Variants in KALRN observed in about 807,000 individuals in gnomAD.
KALRN encodes kalirin RhoGEF kinase.
Under a neutral mutation model 353.7 loss-of-function variants are expected in KALRN, and 70 were observed. The ratio of observed to expected loss-of-function variants is 0.20; its 90% CI spans 0.16 to 0.24. The LOEUF is 0.24. Ranked by LOEUF, KALRN falls within the 10% of genes least tolerant of loss-of-function variation. The pLI is 1.00. For synonymous variants in KALRN, 1,391 were observed against 1,434.8 expected (o/e 0.97, Z 0.69); for missense variants, 2,791 against 3,756.7 (o/e 0.74, Z 6.72).
intron 10 of KALRN, among the ~76,000 whole-genome samples, chr3:124,366,830 G>C (rs1157900498): frequency 6.8e-6 from 1 of 146,440 alleles, no homozygotes; most frequent in African/African-American, 2.6e-5. Flanking sequence ...GGCTGGGCGG[G>C]GGTCTGACCC....
intron 1 of KALRN, among the ~76,000 whole-genome samples, chr3:124,196,925 G>A (rs1320717792): frequency 6.6e-6 from 1 of 152,144 alleles, no homozygotes; most frequent in East Asian, 1.9e-4. Context: ...ATTTACAGAT[G>A]AGGAAATGGA....
At chr3:124,207,166 G>A (rs930700726) in intron 1 of KALRN, among the ~76,000 whole-genome samples, 4 of 152,194 alleles carry the variant, frequency 2.6e-5, no homozygotes, top group South Asian at 2.1e-4. Flanking sequence ...GGAGACATTC[G>A]GGATCAGGCT....
In KALRN at chr3:124,495,998, T is replaced by TAC. The variant is rs1561137255; in HGVS notation, c.4833-312_4833-311insCA. 2.7e-4 allele frequency among the ~76,000 whole-genome samples: 14 copies of TAC among 51,514 alleles called. 2 individuals carry two copies. The highest frequency in any genetic ancestry group is 3.9e-4 in the Non-Finnish European group (12 of 30,918). 33.8% of individuals were successfully genotyped at this position (51,514 alleles called of 152,430 possible). A position where few individuals can be genotyped will look rare whatever the true frequency, so the allele number is the denominator to read the frequency against. ...ATATATATATATATATATATATATATATATATATATATATACACACACATA... is the reference window on the plus strand; with the variant it reads ...ATATATATATATATATATATATATATACATATATATATATATACACACACATA... On this transcript the variant is annotated intron_variant, in intron 32 of 59. Transcript: ENST00000682506.
intron 16 of KALRN, among the ~76,000 whole-genome samples, chr3:124,431,232 C>T (rs2093260287): frequency 6.6e-6 from 1 of 152,164 alleles, no homozygotes; most frequent in Non-Finnish European, 1.5e-5. Context: ...ATACTATTGT[C>T]AGAGTCTGCC....
intron 37 of KALRN, among the ~76,000 whole-genome samples, chr3:124,646,648 C>T (rs1291206361): frequency 1.3e-5 from 2 of 151,260 alleles, no homozygotes; most frequent in African/African-American, 2.4e-5. Context: ...CCCTCGGCCT[C>T]CCAAAGTGTT....
chr3:124,579,726 A>G (rs1165400469), intron 34 of KALRN, among the ~76,000 whole-genome samples: 1 of 152,046 alleles, frequency 6.6e-6, no homozygotes, highest in East Asian at 1.9e-4. Context: ...ATAGCAAAAT[A>G]CCCCCAGCTG....
intron 3 of KALRN, among the ~76,000 whole-genome samples, chr3:124,244,212 T>C (rs988900686): frequency 3.3e-5 from 5 of 152,180 alleles, no homozygotes; most frequent in Admixed American, 6.6e-5. Context: ...AACAATATAT[T>C]AACATATTTC....
chr3:124,343,716 C>T (rs150545904), intron 9 of KALRN, among the ~76,000 whole-genome samples: 6 of 152,332 alleles, frequency 3.9e-5, no homozygotes, highest in South Asian at 2.1e-4. Flanking sequence ...AGAAACCTTC[C>T]GTGACTCCCC....
rs333355 is a variant in KALRN at position 124,674,748 on chromosome 3, A to G, written c.7193+134A>G. 0.2 allele frequency: 193,808 copies of G among 985,208 alleles called. 19,861 individuals carry two copies. The highest frequency in any genetic ancestry group is 0.25 in the Middle Eastern group (993 of 3,980). 61.0% of individuals were successfully genotyped at this position (985,208 alleles called of 1,614,324 possible). A position where few individuals can be genotyped will look rare whatever the true frequency, so the allele number is the denominator to read the frequency against. On this transcript the variant is annotated intron_variant, in intron 49 of 59. Transcript: ENST00000682506. ...TTATTCTCAACAGTACCACAGAACC[A>G]GTGTTTGAGTGCTGACACCATATGC...
chr3:124,365,035 C>T (rs951373933), intron 10 of KALRN, among the ~76,000 whole-genome samples: 1 of 152,212 alleles, frequency 6.6e-6, no homozygotes, highest in African/African-American at 2.4e-5. Context: ...CACTCCTTTA[C>T]CAAGTATGAC....
chr3:124,398,672 C>T (rs765345974), intron 12 of KALRN, 25 bp from the exon 13 acceptor site: 1 of 1,613,838 alleles, frequency 6.2e-7, no homozygotes, highest in East Asian at 2.2e-5. Flanking sequence ...CTCTCCCTCC[C>T]TTTTTTCTCC....
chr3:124,572,027 T>A (rs1359980420), intron 34 of KALRN, among the ~76,000 whole-genome samples: 1 of 151,722 alleles, frequency 6.6e-6, no homozygotes, highest in Non-Finnish European at 1.5e-5. Flanking sequence ...ATTTTTGTAG[T>A]AAAAAATGGT....
chr3:124,478,880 A>G (rs967510307), intron 27 of KALRN, among the ~76,000 whole-genome samples: 1 of 152,198 alleles, frequency 6.6e-6, no homozygotes, highest in Non-Finnish European at 1.5e-5. Context: ...TGCCTAGGAT[A>G]GATTGTGTCC....
At chr3:124,586,639 G>C (rs1390982599) in intron 34 of KALRN, among the ~76,000 whole-genome samples, 1 of 152,164 alleles carries the variant, frequency 6.6e-6, no homozygotes, top group Non-Finnish European at 1.5e-5. Context: ...AGTGGCTATC[G>C]TAGGAGCGGG....
intron 9 of KALRN, among the ~76,000 whole-genome samples, chr3:124,340,969 A>G (rs1340834185): frequency 6.6e-6 from 1 of 152,214 alleles, no homozygotes; most frequent in African/African-American, 2.4e-5. Flanking sequence ...AAAAAGAAAA[A>G]GAAAAAAGAA....
intron 14 of KALRN, 118 bp from the exon 15 acceptor site, chr3:124,422,694 T>G: frequency 1.3e-6 from 1 of 770,472 alleles, no homozygotes; most frequent in Non-Finnish European, 2.1e-6. Context: ...ATATTTAGGG[T>G]TTGGGAGGGT....
chr3:124,355,415 T>C (rs529172164), intron 10 of KALRN, among the ~76,000 whole-genome samples: 1 of 152,320 alleles, frequency 6.6e-6, no homozygotes, highest in East Asian at 1.9e-4. Context: ...CTACCATGAT[T>C]GTGAAGTTGA....
At chr3:124,513,533 C>A (rs1320820345) in intron 33 of KALRN, among the ~76,000 whole-genome samples, 2 of 152,124 alleles carry the variant, frequency 1.3e-5, no homozygotes, top group African/African-American at 4.8e-5. Context: ...GAACCCATTA[C>A]CCTCTCTTCC....
At chr3:124,232,834 C>T (rs1189118837) in intron 2 of KALRN, among the ~76,000 whole-genome samples, 1 of 151,810 alleles carries the variant, frequency 6.6e-6, no homozygotes. Context: ...CATTAATGGA[C>T]ACTATGCTTA....
Sources: allele counts gnomAD v4.1 joint callset (sites outside exome capture counted in the v4.1 genomes callset), GRCh38; gene constraint gnomAD v4.1.1; transcripts MANE v1.5; gene names NCBI Gene and HGNC (gene_info 2026-07-23, HGNC 2026-07-21).